The following NCAM1 variants were observed in gnomAD, a reference collection of about 807,000 sequenced individuals.
NCAM1 encodes the protein neural cell adhesion molecule 1.
In NCAM1, 14 loss-of-function variants were observed where a neutral mutation model predicts 109.8. The observed-to-expected ratio is 0.13, with a 90% CI of 0.08 to 0.20. The LOEUF (loss-of-function observed/expected upper bound fraction) is 0.20, where lower values mean the gene tolerates loss of function less well. NCAM1 is among the 10% of genes least tolerant of loss of function. NCAM1 has a pLI of 1.00. For synonymous variants in NCAM1, 418 were observed against 442.9 expected (o/e 0.94, Z 0.70); for missense variants, 774 against 1,109.9 (o/e 0.70, Z 4.30).
At position 113,182,599 on chromosome 11, in the gene NCAM1, A is replaced by G. The variant is rs1020157009; in HGVS notation, c.53-19780A>G. ...GCTGCCATCTCTGTTTCACCAAAGA[A>G]GAAAAGCTGGGAGTAGCTGGTTCCT... On this transcript the variant is annotated intron_variant, in intron 1 of 19. Transcript: ENST00000316851. Among the ~76,000 whole-genome samples, 8 of 152,226 alleles carry G rather than the reference A, an allele frequency of 5.3e-5. No individual in the cohort carries two copies. In the East Asian group the frequency reaches 1.5e-3, roughly 29 times the overall value.
Position 113,014,199 on chromosome 11 carries a change from A to C in NCAM1, c.52+52535A>C, listed in dbSNP as rs560302137. The stretch of plus-strand genomic sequence containing the variant: ...TAGCTGAGAATACTTTTAGAATATA[A>C]AATGCAATGTATTTTGCATTTCCTG... On this transcript the variant is annotated intron_variant, in intron 1 of 19. Coordinates refer to ENST00000316851, the MANE Select transcript of NCAM1 (RefSeq NM_181351.5). Among the ~76,000 whole-genome samples, 3 of 152,312 alleles carry C rather than the reference A, an allele frequency of 2.0e-5. No individual in the cohort carries two copies. In the South Asian group the frequency reaches 6.2e-4, roughly 32 times the overall value.
At position 113,082,344 on chromosome 11, in the gene NCAM1, T is replaced by A. The variant is rs150437747; in HGVS notation, c.53-120035T>A. On this transcript the variant is annotated intron_variant, in intron 1 of 19. Coordinates refer to ENST00000316851, the MANE Select transcript of NCAM1 (RefSeq NM_181351.5). ...ATATGCCCATAGACTTGTACGTGTATCTCCTGAGATGCAGATTAAATTTTG... is the reference window on the plus strand; with the variant it reads ...ATATGCCCATAGACTTGTACGTGTAACTCCTGAGATGCAGATTAAATTTTG... Among the ~76,000 whole-genome samples the A allele has an allele frequency of 5.7e-3, 861 of 152,302 alleles. 9 individuals carry two copies. The highest frequency in any genetic ancestry group is 0.012 in the Admixed American group (176 of 15,302).
At chr11:113,121,141 G>T (rs1441991631) in intron 1 of NCAM1, among the ~76,000 whole-genome samples, 4 of 151,858 alleles carry the variant, frequency 2.6e-5, no homozygotes, top group African/African-American at 4.8e-5. Flanking sequence ...GAGAGACAGA[G>T]GATTAGGGGG....
At chr11:113,162,754 C>T (rs755363039) in intron 1 of NCAM1, among the ~76,000 whole-genome samples, 7 of 152,188 alleles carry the variant, frequency 4.6e-5, no homozygotes, top group South Asian at 2.1e-4. Flanking sequence ...TTGTTAGTTA[C>T]GGTCACGGGG....
At chr11:113,124,593 G>A (rs1401438541) in intron 1 of NCAM1, among the ~76,000 whole-genome samples, 5 of 152,166 alleles carry the variant, frequency 3.3e-5, no homozygotes. Flanking sequence ...CATTACATAT[G>A]GGAAACTGAG....
rs17115280 is a variant in NCAM1 at position 113,260,229 on chromosome 11, G to T, written c.2037G>T (p.Glu679Asp). Residue 679 changes from glutamate (E) to aspartate (D), a missense_variant, in exon 17 of 20, where the codon GAG (glutamate) becomes GAT (aspartate). Transcript: ENST00000316851. ...TGAAGTCCCTGGACTGGAATGCTGA[G>T]TATGAGGTCTACGTGGTGGCTGAGA... ...VMLKSLDWNA[E>D]YEVYVVAENQ... The T allele has an allele frequency of 3.0e-3, 4,791 of 1,613,994 alleles. 9 individuals are homozygous for T. Among genetic ancestry groups the T allele is most frequent in the Non-Finnish European group, 3.6e-3 (4,218 of 1,179,884 alleles).
At chr11:113,132,271 G>A (rs1555098451) in intron 1 of NCAM1, among the ~76,000 whole-genome samples, 2 of 152,136 alleles carry the variant, frequency 1.3e-5, no homozygotes, top group Non-Finnish European at 2.9e-5. Flanking sequence ...CTGAAATAAT[G>A]TCTGTAAAAT....
rs540640078 is a variant in NCAM1 at position 113,211,102 on chromosome 11, G to A, written c.916+3100G>A. Among the ~76,000 whole-genome samples, 337 of 152,268 alleles carry A rather than the reference G, an allele frequency of 2.2e-3. 1 individual carries two copies. Among genetic ancestry groups the A allele is most frequent in the African/African-American group, 7.6e-3 (316 of 41,552 alleles). ...TCCTCCACTGGCCTTCCCATTGGTTGAGGAAACTGATATAGGGTTAGGGAG... is the reference window on the plus strand; with the variant it reads ...TCCTCCACTGGCCTTCCCATTGGTTAAGGAAACTGATATAGGGTTAGGGAG... On this transcript the variant is annotated intron_variant, in intron 7 of 19. Transcript: ENST00000316851.
chr11:113,203,266 G>A (rs545805740), intron 2 of NCAM1, among the ~76,000 whole-genome samples: 194 of 152,346 alleles, frequency 1.3e-3, no homozygotes, highest in Middle Eastern at 0.01. Flanking sequence ...GAGGTGGCTT[G>A]TGGCCGTCGG....
chr11:112,988,228 T>C (rs1951361714), intron 1 of NCAM1, among the ~76,000 whole-genome samples: 3 of 152,212 alleles, frequency 2.0e-5, no homozygotes, highest in African/African-American at 7.2e-5. Flanking sequence ...TACTTCCCTT[T>C]ATATTGTGTA....
chr11:113,223,978 A>C, intron 9 of NCAM1, among the ~76,000 whole-genome samples: 1 of 152,232 alleles, frequency 6.6e-6, no homozygotes, highest in East Asian at 1.9e-4. Flanking sequence ...GAATAAGAAC[A>C]GCTCCAGTCC....
intron 17 of NCAM1, chr11:113,265,143 G>A (rs1946111910): frequency 1.0e-6 from 1 of 985,324 alleles, no homozygotes; most frequent in Non-Finnish European, 1.2e-6. Flanking sequence ...AATCAGTGAG[G>A]GCTTTATGAA....
At chr11:113,045,777 A>G (rs1331714985) in intron 1 of NCAM1, among the ~76,000 whole-genome samples, 1 of 152,206 alleles carries the variant, frequency 6.6e-6, no homozygotes, top group East Asian at 1.9e-4. Flanking sequence ...ATGTTATAGA[A>G]ATAGGCTTTT....
At chr11:112,969,366 T>G (rs1362220697) in intron 1 of NCAM1, among the ~76,000 whole-genome samples, 1 of 152,182 alleles carries the variant, frequency 6.6e-6, no homozygotes, top group Non-Finnish European at 1.5e-5. Context: ...ACGTTCGTTG[T>G]CTGAATTTTA....
intron 15 of NCAM1, among the ~76,000 whole-genome samples, chr11:113,251,981 C>A (rs1945691713): frequency 6.6e-6 from 1 of 152,188 alleles, no homozygotes; most frequent in African/African-American, 2.4e-5. Context: ...AGAGAATTTG[C>A]TGACAGTGAA....
At chr11:113,140,467 C>T (rs1179513834) in intron 1 of NCAM1, among the ~76,000 whole-genome samples, 7 of 152,180 alleles carry the variant, frequency 4.6e-5, no homozygotes, top group Non-Finnish European at 1.0e-4. Flanking sequence ...CCAAGGAAGG[C>T]AGCCTGAGAT....
chr11:113,024,891 T>C (rs138462757), intron 1 of NCAM1, among the ~76,000 whole-genome samples: 24 of 152,354 alleles, frequency 1.6e-4, no homozygotes, highest in Admixed American at 5.9e-4. Context: ...GTAGGTGGTT[T>C]CAAAAACCTT....
At chr11:112,981,543 A>G (rs562406289) in intron 1 of NCAM1, among the ~76,000 whole-genome samples, 64 of 152,018 alleles carry the variant, frequency 4.2e-4, no homozygotes, top group African/African-American at 1.4e-3. Context: ...TAGATACCCC[A>G]TAGAATACTG....
Position 113,274,621 on chromosome 11 carries a change from G to A in NCAM1, c.2457-646G>A, listed in dbSNP as rs1565544316. ...GAGGGAAAAGGACTCTGATAGCCCT[G>A]CCCACTCAGCTGCCCTCAACTCTCG... On this transcript the variant is annotated intron_variant, in intron 19 of 19. Transcript: ENST00000316851. This position sits in a 1 kb window ranked among gnomAD's most constrained non-coding sequence, Gnocchi z 4.1. 1.3e-5 allele frequency among the ~76,000 whole-genome samples: 2 copies of A among 152,182 alleles called. No homozygotes were observed. Among genetic ancestry groups the A allele is most frequent in the Non-Finnish European group, 2.9e-5 (2 of 68,034 alleles).
Sources: allele counts gnomAD v4.1 joint callset (sites outside exome capture counted in the v4.1 genomes callset), GRCh38; gene constraint gnomAD v4.1.1; non-coding constraint Gnocchi (gnomAD v3.1); transcripts MANE v1.5; gene names NCBI Gene and HGNC (gene_info 2026-07-23, HGNC 2026-07-21).